FGF13: variants seen among roughly 807,000 people sequenced by gnomAD.
The protein encoded by FGF13 is fibroblast growth factor 13, also known as fibroblast growth factor homologous factor 2.
FGF13 carries 2 observed loss-of-function variants against 19.5 expected under a neutral mutation model. That is an observed-to-expected ratio of 0.10 (90% CI 0.04 to 0.32). FGF13 has a LOEUF of 0.32. Among genes scored for constraint, FGF13 ranks in the 10% least tolerant of loss-of-function variants. The pLI is 1.00. For missense variants in FGF13, 113 were observed against 192.7 expected (o/e 0.59, Z 2.45); for synonymous variants, 72 against 76.9 (o/e 0.94, Z 0.33).
At chrX:138,993,776 C>T (rs927582233) in intron 1 of FGF13, among the ~76,000 whole-genome samples, 3 of 111,301 alleles carry the variant, frequency 2.7e-5, no homozygotes, top group Non-Finnish European at 3.8e-5. Context: ...TGAGATAATC[C>T]CCACCTTCCC....
chrX:138,938,244 T>G (rs978855691), intron 1 of FGF13, among the ~76,000 whole-genome samples: 1 of 111,430 alleles, frequency 9.0e-6, no homozygotes, highest in Non-Finnish European at 1.9e-5. Flanking sequence ...AGAAGACTGA[T>G]TGGGTGACAC....
At chrX:138,702,021 G>A (rs903417399) in intron 3 of FGF13, among the ~76,000 whole-genome samples, 16 of 111,448 alleles carry the variant, frequency 1.4e-4, no homozygotes, top group East Asian at 8.5e-4. Flanking sequence ...GGTGGCTCAC[G>A]CCTGTAATCC....
At chrX:138,677,696 T>C (rs953464750) in intron 3 of FGF13, among the ~76,000 whole-genome samples, 2 of 111,704 alleles carry the variant, frequency 1.8e-5, no homozygotes, top group Admixed American at 9.5e-5. Flanking sequence ...CTGGAGACGA[T>C]GTGGAGAAAT....
intron 1 of FGF13, among the ~76,000 whole-genome samples, chrX:139,192,044 G>A (rs1242989345): frequency 8.9e-6 from 1 of 111,867 alleles, no homozygotes; most frequent in Non-Finnish European, 1.9e-5. Context: ...ACCATCAAGG[G>A]AAACAATTGA....
chrX:138,848,514 T>C (rs1036193410), intron 3 of FGF13, among the ~76,000 whole-genome samples: 1 of 112,063 alleles, frequency 8.9e-6, no homozygotes, highest in Non-Finnish European at 1.9e-5. Context: ...AAGTCCTTTT[T>C]ACTTAATTAT....
At chrX:138,950,253 T>C (rs973397562) in intron 1 of FGF13, among the ~76,000 whole-genome samples, 1 of 111,852 alleles carries the variant, frequency 8.9e-6, no homozygotes, top group Non-Finnish European at 1.9e-5. Flanking sequence ...AAGAGAAATC[T>C]ATCAAAAAAT....
chrX:139,164,170 A>C (rs2084059888), intron 1 of FGF13, among the ~76,000 whole-genome samples: 1 of 107,282 alleles, frequency 9.3e-6, no homozygotes, highest in Non-Finnish European at 1.9e-5. Flanking sequence ...TCAGTTACAT[A>C]TGTATACATG....
chrX:139,134,645 T>C (rs1009624609), intron 1 of FGF13, among the ~76,000 whole-genome samples: 1 of 111,703 alleles, frequency 9.0e-6, no homozygotes, highest in African/African-American at 3.3e-5. Context: ...CGTAGAGTAG[T>C]TTAAGGCATA....
chrX:138,832,896 C>T (rs1039795178), intron 3 of FGF13, among the ~76,000 whole-genome samples: 16 of 111,774 alleles, frequency 1.4e-4, no homozygotes, highest in Admixed American at 4.8e-4. Flanking sequence ...TCATTTATCC[C>T]GGCACAATTT....
intron 3 of FGF13, among the ~76,000 whole-genome samples, chrX:138,702,054 A>G (rs2124232824): frequency 8.9e-6 from 1 of 111,972 alleles, no homozygotes; most frequent in South Asian, 3.7e-4. Context: ...AGGCCATGGC[A>G]GGCGGATCAT....
intron 1 of FGF13, among the ~76,000 whole-genome samples, chrX:139,147,464 G>C (rs765316273): frequency 8.9e-6 from 1 of 111,915 alleles, no homozygotes; most frequent in South Asian, 3.7e-4. Flanking sequence ...TCCTCAGTAA[G>C]ACTCAGCTTC....
upstream of FGF13, among the ~76,000 whole-genome samples, chrX:138,744,110 CCA>C (rs10578199): frequency 0.16 from 17,739 of 110,758 alleles, 1,106 homozygotes; most frequent in South Asian, 0.23. Flanking sequence ...AGCTCTCCAA[CCA>C]CAGTTAGAAG....
chrX:138,767,320 T>C (rs1212204458), intron 3 of FGF13, among the ~76,000 whole-genome samples: 1 of 111,988 alleles, frequency 8.9e-6, no homozygotes, highest in African/African-American at 3.2e-5. Context: ...TTTTGCAGAA[T>C]ATACTAAACT....
chrX:138,676,501 A>T (rs2089667909), intron 3 of FGF13, among the ~76,000 whole-genome samples: 1 of 111,858 alleles, frequency 8.9e-6, no homozygotes. Context: ...ATAATGCCTT[A>T]ACTGTGTCCT....
At chrX:139,042,397 G>A (rs1204452324) in intron 1 of FGF13, among the ~76,000 whole-genome samples, 1 of 111,670 alleles carries the variant, frequency 9.0e-6, no homozygotes, top group Non-Finnish European at 1.9e-5. Flanking sequence ...AGTGCCTGAC[G>A]ATGGTTAAAT....
intron 1 of FGF13, among the ~76,000 whole-genome samples, chrX:138,727,367 CTCT>C (rs1322512709): frequency 9.1e-6 from 1 of 110,217 alleles, no homozygotes; most frequent in Non-Finnish European, 1.9e-5. Flanking sequence ...ATCTGTAGAT[CTCT>C]TCAACAAGAA....
At chrX:138,671,083 TA>T (rs1224464522) in intron 3 of FGF13, among the ~76,000 whole-genome samples, 1 of 111,151 alleles carries the variant, frequency 9.0e-6, no homozygotes, top group Non-Finnish European at 1.9e-5. Context: ...TACATCATCA[TA>T]AAGTATATTT....
At chrX:139,103,786 T>A (rs1232493774) in intron 1 of FGF13, among the ~76,000 whole-genome samples, 1 of 111,832 alleles carries the variant, frequency 8.9e-6, no homozygotes, top group Non-Finnish European at 1.9e-5. Flanking sequence ...AGACTGAGAA[T>A]TGAATAACAT....
chrX:139,159,471 C>G (rs1422445980), intron 1 of FGF13, among the ~76,000 whole-genome samples: 1 of 111,077 alleles, frequency 9.0e-6, no homozygotes, highest in Non-Finnish European at 1.9e-5. Context: ...CAAATTCACA[C>G]ATAACAGTAT....
Sources: gnomAD v4.1 joint callset for allele counts (sites outside exome capture counted in the v4.1 genomes callset) on GRCh38, gnomAD v4.1.1 for gene constraint, MANE v1.5 for transcripts, NCBI Gene and HGNC (gene_info 2026-07-23, HGNC 2026-07-21) for gene names.